Variants in LDLRAD4 observed in about 807,000 individuals in gnomAD.
LDLRAD4 encodes low-density lipoprotein receptor class A domain-containing protein 4.
A neutral mutation model predicts 17.0 loss-of-function variants in LDLRAD4; 5 were observed. The observed-to-expected ratio is 0.29, with a 90% CI of 0.15 to 0.62. The LOEUF (loss-of-function observed/expected upper bound fraction) is 0.62. LDLRAD4 is among the 20% of genes least tolerant of loss of function. The pLI is 0.84. For synonymous variants in LDLRAD4, 168 were observed against 171.8 expected (o/e 0.98, Z 0.17); for missense variants, 340 against 424.7 (o/e 0.80, Z 1.75).
At chr18:13,237,113 G>A (rs900187143) in intron 1 of LDLRAD4, among the ~76,000 whole-genome samples, 2 of 152,216 alleles carry the variant, frequency 1.3e-5, no homozygotes, top group African/African-American at 4.8e-5. Flanking sequence ...ATGCTGGCTT[G>A]GGCTCTGGAG....
intron 1 of LDLRAD4, among the ~76,000 whole-genome samples, chr18:13,247,164 G>A (rs779830906): frequency 2.0e-5 from 3 of 152,106 alleles, no homozygotes; most frequent in Non-Finnish European, 2.9e-5. Context: ...TTAGGGCAAC[G>A]GCAGGATTTT....
intron 1 of LDLRAD4, among the ~76,000 whole-genome samples, chr18:13,286,468 T>C (rs1299976744): frequency 6.6e-6 from 1 of 152,186 alleles, no homozygotes; most frequent in African/African-American, 2.4e-5. Flanking sequence ...AACTTACTGG[T>C]TCAAGCAATC....
intron 1 of LDLRAD4, among the ~76,000 whole-genome samples, chr18:13,314,937 A>G (rs1292895879): frequency 1.3e-5 from 2 of 152,196 alleles, no homozygotes; most frequent in African/African-American, 4.8e-5. Context: ...TACGTTGCCC[A>G]GGCTGGCCTC....
intron 1 of LDLRAD4, among the ~76,000 whole-genome samples, chr18:13,347,180 A>G (rs2082742651): frequency 6.6e-6 from 1 of 152,116 alleles, no homozygotes; most frequent in Admixed American, 6.6e-5. Context: ...TGGTCTTTAT[A>G]ATTTGGCATG....
At position 13,387,504 on chromosome 18, in the gene LDLRAD4, C is replaced by T. The variant is rs886953784; in HGVS notation, c.-219C>T. 23 of 491,442 alleles carry T rather than the reference C, an allele frequency of 4.7e-5. No individual in the cohort carries two copies. Among genetic ancestry groups the T allele is most frequent in the South Asian group, 2.0e-4 (9 of 44,624 alleles). 30.4% of individuals were successfully genotyped at this position (491,442 alleles called of 1,614,324 possible). A position where few individuals can be genotyped will look rare whatever the true frequency, so the allele number is the denominator to read the frequency against. The stretch of plus-strand genomic sequence containing the variant: ...CCATGGCCTCCGCGCCCTGGCTGGA[C>T]GGCTGACGGGAGCAGGGACCGCCGC... On this transcript the variant is annotated 5_prime_UTR_variant, in exon 2 of 6. In the 5' UTR this introduces an upstream ATG that the reference lacks. Transcript: ENST00000359446.
intron 1 of LDLRAD4, among the ~76,000 whole-genome samples, chr18:13,329,065 T>C (rs918726706): frequency 1.3e-5 from 2 of 152,238 alleles, no homozygotes; most frequent in African/African-American, 2.4e-5. Flanking sequence ...ATACACCAGA[T>C]TTTTTAACCC....
chr18:13,571,768 C>T (rs191455385), intron 3 of LDLRAD4, among the ~76,000 whole-genome samples: 130 of 152,226 alleles, frequency 8.5e-4, no homozygotes, highest in Non-Finnish European at 1.5e-3. Flanking sequence ...TCCCAAGTAG[C>T]TGGGACTACA....
At chr18:13,642,060 C>T in intron 4 of LDLRAD4, 1 of 985,548 alleles carries the variant, frequency 1.0e-6, no homozygotes, top group Non-Finnish European at 1.2e-6. Flanking sequence ...GCCTGCCAGG[C>T]CGGGCCCTTC....
chr18:13,372,179 C>T (rs1024313652), intron 1 of LDLRAD4, among the ~76,000 whole-genome samples: 1 of 152,244 alleles, frequency 6.6e-6, no homozygotes, highest in Non-Finnish European at 1.5e-5. Flanking sequence ...GCCAGGCATG[C>T]CATCAGAAAG....
intron 3 of LDLRAD4, among the ~76,000 whole-genome samples, chr18:13,512,323 C>T (rs1785151): frequency 0.63 from 96,549 of 152,100 alleles, 31,439 homozygotes; most frequent in South Asian, 0.73. Context: ...ATAACTATAG[C>T]CACTCAGTCA....
intron 1 of LDLRAD4, among the ~76,000 whole-genome samples, chr18:13,379,152 C>T (rs998710039): frequency 6.6e-6 from 1 of 152,234 alleles, no homozygotes; most frequent in African/African-American, 2.4e-5. Context: ...CACACACAGC[C>T]TAGAATGAGG....
intron 1 of LDLRAD4, among the ~76,000 whole-genome samples, chr18:13,322,604 A>T (rs2143395352): frequency 6.8e-6 from 1 of 147,442 alleles, no homozygotes; most frequent in Middle Eastern, 3.9e-3. Context: ...CTCGCCTGTC[A>T]TCCATGTTTC....
intron 2 of LDLRAD4, among the ~76,000 whole-genome samples, chr18:13,428,806 G>C (rs902525839): frequency 2.0e-5 from 3 of 152,144 alleles, no homozygotes; most frequent in Non-Finnish European, 4.4e-5. Flanking sequence ...TTCTGAGATA[G>C]GGAAAGCTAC....
intron 3 of LDLRAD4, among the ~76,000 whole-genome samples, chr18:13,484,982 G>T (rs1381091920): frequency 6.6e-6 from 1 of 152,152 alleles, no homozygotes; most frequent in African/African-American, 2.4e-5. Context: ...TTGTAGACAG[G>T]CACGTCACCC....
chr18:13,598,151 C>T (rs1405043283), intron 3 of LDLRAD4, among the ~76,000 whole-genome samples: 5 of 152,154 alleles, frequency 3.3e-5, no homozygotes, highest in South Asian at 2.1e-4. Context: ...CCTCTAGAGA[C>T]GGATTTTCTC....
At chr18:13,545,628 A>G (rs1479592693) in intron 3 of LDLRAD4, among the ~76,000 whole-genome samples, 1 of 152,180 alleles carries the variant, frequency 6.6e-6, no homozygotes, top group African/African-American at 2.4e-5. Flanking sequence ...GCAGCCGGCC[A>G]TGAGCAGTGC....
chr18:13,241,883 A>T (rs2042672548), intron 1 of LDLRAD4: 1 of 152,256 alleles, frequency 6.6e-6, no homozygotes, highest in African/African-American at 2.4e-5. Flanking sequence ...TACATCTTTT[A>T]CTGTGATTAA....
At chr18:13,644,730 A>AGTAGTGT in intron 5 of LDLRAD4, 1 of 183,672 alleles carries the variant, frequency 5.4e-6, no homozygotes, top group Admixed American at 5.7e-5. Flanking sequence ...CGAGGACTGG[A>AGTAGTGT]CGATGTCACT....
In LDLRAD4 at chr18:13,487,007, G is replaced by A. The variant is rs533589975; in HGVS notation, c.181+48623G>A. ...GCTGGGTGGGTGGTAGTATGATATT[G>A]TGGCTTTACTTTGCATTTCCTTGAT... On this transcript the variant is annotated intron_variant, in intron 3 of 5. Transcript: ENST00000359446. The A allele has an allele frequency of 1.6e-4, 24 of 152,338 alleles. 1 individual carries two copies. The highest frequency in any genetic ancestry group is 2.6e-4 in the Admixed American group (4 of 15,296). 9.4% of individuals were successfully genotyped at this position (152,338 alleles called of 1,614,324 possible).
Sources: allele counts gnomAD v4.1 joint callset (sites outside exome capture counted in the v4.1 genomes callset), GRCh38; gene constraint gnomAD v4.1.1; transcripts MANE v1.5; gene names NCBI Gene and HGNC (gene_info 2026-07-23, HGNC 2026-07-21).